Variants in CDH2 observed in about 807,000 individuals in gnomAD.
CDH2 encodes the protein cadherin 2, also known as cadherin-2.
In CDH2, 17 loss-of-function variants were observed where a neutral mutation model predicts 92.0. The observed-to-expected ratio is 0.18, with a 90% confidence interval of 0.13 to 0.28. CDH2 has a LOEUF of 0.28. Ranked by LOEUF, CDH2 falls within the 10% of genes least tolerant of loss-of-function variation. The pLI, the probability that CDH2 is intolerant of heterozygous loss-of-function variation, is 1.00. For missense variants in CDH2, 862 were observed against 1,133.1 expected, an observed-to-expected ratio of 0.76 and a Z score of 3.44; for synonymous variants, 419 against 415.9, an observed-to-expected ratio of 1.01 and a Z score of -0.09.
rs2015494663 is a variant in CDH2, at chr18:28,116,278, A to AG, written c.172+31394dup. On this transcript the variant is annotated intron_variant, in intron 2 of 15. Transcript: ENST00000269141. Reference sequence around the variant, plus strand: ...TGGCATATAAAAAAGGCAACTTGTTAGGGAGAGGCCACTAGGCAAGATAGT... The same window carrying AG: ...TGGCATATAAAAAAGGCAACTTGTTAGGGGAGAGGCCACTAGGCAAGATAGT... 2.6e-5 allele frequency among the ~76,000 whole-genome samples: 4 copies of AG among 152,186 alleles called. No individual in the cohort carries two copies. In the South Asian group the frequency reaches 8.3e-4, roughly 32 times the overall value.
downstream of CDH2, among the ~76,000 whole-genome samples, chr18:27,950,504 A>G (rs541047329): frequency 6.6e-6 from 1 of 152,162 alleles, no homozygotes; most frequent in Non-Finnish European, 1.5e-5. Flanking sequence ...TTCACTAAGT[A>G]CATAAAACGA....
chr18:28,101,697 G>A (rs559221461), intron 2 of CDH2, among the ~76,000 whole-genome samples: 2 of 152,080 alleles, frequency 1.3e-5, no homozygotes, highest in African/African-American at 2.4e-5. Flanking sequence ...TGAAGTACAA[G>A]CATAAACTTT....
chr18:28,007,774 G>A (rs1382917303), intron 5 of CDH2, among the ~76,000 whole-genome samples: 2 of 152,100 alleles, frequency 1.3e-5, no homozygotes, highest in Non-Finnish European at 2.9e-5. Context: ...AGGCTGGAGG[G>A]TAAGAGTGCA....
In CDH2 at chr18:28,001,012, G is replaced by A. The variant is rs183270768; in HGVS notation, c.1020+1985C>T. Among the ~76,000 whole-genome samples the A allele has an allele frequency of 6.3e-3, 957 of 151,798 alleles. 4 individuals are homozygous for A. The highest frequency in any genetic ancestry group is 0.021 in the Middle Eastern group (6 of 292). On this transcript the variant is annotated intron_variant, in intron 7 of 15. Coordinates refer to ENST00000269141, the MANE Select transcript of CDH2 (RefSeq NM_001792.5). ...TAGATGCATTTTTTCTATGTTAAAT[G>A]ACTTTCAGAAAAGGAAGGTTTTCCA...
At chr18:27,963,758 A>C (rs924780564) in intron 14 of CDH2, 38 of 473,416 alleles carry the variant, frequency 8.0e-5, no homozygotes, top group African/African-American at 6.4e-4. Context: ...GTTCCTCATC[A>C]GTTTCCAATG....
At chr18:27,947,448 T>C (rs749039165), downstream of CDH2, among the ~76,000 whole-genome samples, 5 of 151,794 alleles carry the variant, frequency 3.3e-5, no homozygotes, top group Non-Finnish European at 5.9e-5. Flanking sequence ...TTGAATAAAA[T>C]TTGTTATGGA....
In CDH2 at chr18:28,060,630, T is replaced by C. The variant is rs143792892; in HGVS notation, c.173-46721A>G. On this transcript the variant is annotated intron_variant, in intron 2 of 15. Transcript: ENST00000269141. ...ATCTTTTTCAAAACCATAAACAAAA[T>C]GGGATAGGTTTTGTTCCTCATCTTC... Among the ~76,000 whole-genome samples, 176 of 152,284 alleles carry C rather than the reference T, an allele frequency of 1.2e-3. 1 individual carries two copies. The highest frequency in any genetic ancestry group is 4.1e-3 in the African/African-American group (172 of 41,552).
At chr18:28,170,438 C>A (rs956109087) in intron 1 of CDH2, among the ~76,000 whole-genome samples, 1 of 152,094 alleles carries the variant, frequency 6.6e-6, no homozygotes, top group African/African-American at 2.4e-5. Context: ...CTCCGCCTCC[C>A]GGGTTCAAGT....
intron 2 of CDH2, among the ~76,000 whole-genome samples, chr18:28,044,458 C>T (rs1017444349): frequency 2.6e-5 from 4 of 152,162 alleles, no homozygotes; most frequent in Non-Finnish European, 4.4e-5. Context: ...CTGATCCATT[C>T]CCCTTTTCTA....
chr18:28,170,728 A>C (rs73948425), intron 1 of CDH2, among the ~76,000 whole-genome samples: 3 of 152,226 alleles, frequency 2.0e-5, no homozygotes, highest in Non-Finnish European at 2.9e-5. Context: ...ACTAGTAGAA[A>C]ATGTTTTGTT....
At chr18:28,149,153 A>G (rs1018808198) in intron 1 of CDH2, among the ~76,000 whole-genome samples, 2 of 152,184 alleles carry the variant, frequency 1.3e-5, no homozygotes, top group African/African-American at 4.8e-5. Flanking sequence ...AAACTCTAGT[A>G]AAGATGAATG....
At chr18:28,120,845 TG>T (rs952161058) in intron 2 of CDH2, among the ~76,000 whole-genome samples, 3 of 152,158 alleles carry the variant, frequency 2.0e-5, no homozygotes, top group Admixed American at 6.6e-5. Flanking sequence ...TGTTTGTTGT[TG>T]TTTTTATTTC....
intron 2 of CDH2, among the ~76,000 whole-genome samples, chr18:28,072,168 G>A (rs558164110): frequency 3.3e-5 from 5 of 152,002 alleles, no homozygotes; most frequent in African/African-American, 7.2e-5. Context: ...ATTTTCGTGC[G>A]TTTTCCTTAT....
intron 2 of CDH2, among the ~76,000 whole-genome samples, chr18:28,029,364 A>T (rs2013636365): frequency 6.6e-6 from 1 of 152,104 alleles, no homozygotes; most frequent in Non-Finnish European, 1.5e-5. Context: ...TTAAAATGCC[A>T]GTTATTTTTA....
chr18:28,048,374 C>T (rs2014123159), intron 2 of CDH2, among the ~76,000 whole-genome samples: 2 of 152,174 alleles, frequency 1.3e-5, no homozygotes, highest in Admixed American at 1.3e-4. Context: ...TTTGCTTCAA[C>T]TATCTGCTTT....
chr18:27,961,563 T>C (rs953658893), intron 15 of CDH2, among the ~76,000 whole-genome samples: 6 of 152,024 alleles, frequency 3.9e-5, no homozygotes, highest in Non-Finnish European at 7.4e-5. Flanking sequence ...GAACTGCAAA[T>C]AGTTCAGTGG....
chr18:27,975,098 G>C (rs1599001635), intron 14 of CDH2, among the ~76,000 whole-genome samples: 1 of 152,128 alleles, frequency 6.6e-6, no homozygotes, highest in Non-Finnish European at 1.5e-5. Flanking sequence ...TCCTGGAATG[G>C]GAAACCTATA....
intron 6 of CDH2, among the ~76,000 whole-genome samples, chr18:27,933,941 A>G (rs1908962998): frequency 6.6e-6 from 1 of 152,244 alleles, no homozygotes; most frequent in Admixed American, 6.5e-5. Flanking sequence ...TGAAGAGCTT[A>G]TTTGAGATCC....
intron 13 of CDH2, among the ~76,000 whole-genome samples, chr18:27,984,664 CAA>C (rs1177112847): frequency 1.3e-5 from 2 of 152,306 alleles, no homozygotes; most frequent in East Asian, 3.9e-4. Context: ...AATTCATACT[CAA>C]ATCATAAGAA....
Sources: allele counts gnomAD v4.1 joint callset (sites outside exome capture counted in the v4.1 genomes callset), GRCh38; gene constraint gnomAD v4.1.1; transcripts MANE v1.5; gene names NCBI Gene and HGNC (gene_info 2026-07-23, HGNC 2026-07-21).